The following SULF2 variants were observed in gnomAD, a reference collection of about 807,000 sequenced individuals.
SULF2 encodes sulfatase 2.
A neutral mutation model predicts 107.7 loss-of-function variants in SULF2; 52 were observed. That is an observed-to-expected ratio of 0.48 (90% confidence interval 0.39 to 0.61). SULF2 has a LOEUF of 0.61. Among genes scored for constraint, SULF2 ranks in the 20% least tolerant of loss-of-function variants. SULF2 has a pLI of 0.00. For synonymous variants in SULF2, 460 were observed against 464.3 expected, an observed-to-expected ratio of 0.99 and a Z score of 0.12; for missense variants, 993 against 1,177.3, an observed-to-expected ratio of 0.84 and a Z score of 2.29.
chr20:47,736,872 G>C lies in SULF2; in HGVS notation c.246C>G (p.Phe82Leu), dbSNP rs368302336. The change falls in exon 3 of 21, where the codon TTC (phenylalanine) becomes TTG (leucine). Residue 82 changes from phenylalanine to leucine, a missense_variant. Coordinates refer to ENST00000688720, the MANE Select transcript of SULF2 (RefSeq NM_001387048.1). ...EQGGAHFINA[F>L]VTTPMCCPSR... is the part of the protein sequence containing the mutation. ...AGGGGCAGCACATGGGTGTGGTCAC[G>C]AAGGCGTTGATGAAGTGCGCCCCGC... The C allele has an allele frequency of 1.2e-6, 2 of 1,614,258 alleles. No individual in the cohort carries two copies. The highest frequency in any genetic ancestry group is 1.7e-6 in the Non-Finnish European group (2 of 1,180,034).
At chr20:47,665,149 G>T in intron 14 of SULF2, 50 bp downstream of exon 14, 1 of 1,176,338 alleles carries the variant, frequency 8.5e-7, no homozygotes, top group Non-Finnish European at 1.3e-6. Flanking sequence ...GAACTGAACT[G>T]TCCTGTAGGA....
intron 3 of SULF2, among the ~76,000 whole-genome samples, chr20:47,710,973 T>C (rs1270218384): frequency 6.6e-6 from 1 of 152,182 alleles, no homozygotes; most frequent in African/African-American, 2.4e-5. Flanking sequence ...ATAATTGCAT[T>C]TGTGGTCTGT....
At chr20:47,726,890 C>G (rs1322593000) in intron 3 of SULF2, among the ~76,000 whole-genome samples, 1 of 152,180 alleles carries the variant, frequency 6.6e-6, no homozygotes, top group East Asian at 1.9e-4. Context: ...TCAACGCCCA[C>G]TGCAGGTGGA....
chr20:47,738,401 T>C (rs560768141), intron 2 of SULF2, among the ~76,000 whole-genome samples: 94 of 152,344 alleles, frequency 6.2e-4, no homozygotes, highest in Admixed American at 1.3e-3. Flanking sequence ...AGGTGTGCAG[T>C]GGGTTGAACG....
intron 17 of SULF2, 67 bp downstream of exon 17, chr20:47,663,003 G>T (rs949742572): frequency 5.1e-6 from 8 of 1,575,848 alleles, no homozygotes; most frequent in Admixed American, 3.4e-5. Context: ...CCTGAGGTTG[G>T]GGGGGGCCTA....
intron 2 of SULF2, among the ~76,000 whole-genome samples, chr20:47,753,035 A>C (rs1420758172): frequency 1.4e-5 from 2 of 141,318 alleles, no homozygotes; most frequent in African/African-American, 2.7e-5. Flanking sequence ...CAGGAGGCAG[A>C]GGTTGCAGTG....
At chr20:47,765,090 G>A (rs1035101931) in intron 1 of SULF2, among the ~76,000 whole-genome samples, 12 of 152,128 alleles carry the variant, frequency 7.9e-5, no homozygotes, top group Admixed American at 7.2e-4. Flanking sequence ...GGCAGCTCAC[G>A]TCTGTAATCC....
intron 3 of SULF2, among the ~76,000 whole-genome samples, chr20:47,731,187 CTTT>C (rs71183273): frequency 6.5e-3 from 528 of 81,102 alleles, no homozygotes; most frequent in Non-Finnish European, 8.9e-3. Flanking sequence ...TGTATCTTCT[CTTT>C]TTTTTTTTTT....
chr20:47,665,701 T>TGAC (rs1568783003), intron 13 of SULF2, among the ~76,000 whole-genome samples, 156 bp downstream of exon 13: 2 of 152,258 alleles, frequency 1.3e-5, no homozygotes, highest in Non-Finnish European at 2.9e-5. Flanking sequence ...ATGCTGGGAC[T>TGAC]GACACCTATC....
chr20:47,741,570 T>C (rs990601944), intron 2 of SULF2, among the ~76,000 whole-genome samples: 1 of 152,246 alleles, frequency 6.6e-6, no homozygotes, highest in African/African-American at 2.4e-5. Context: ...CCTGTGACTT[T>C]TGATGGCTCC....
intron 8 of SULF2, 66 bp from the exon 9 acceptor site, chr20:47,677,200 A>G: frequency 6.4e-7 from 1 of 1,566,932 alleles, no homozygotes. Flanking sequence ...CCGTTCCCCC[A>G]GGAGCAGGGA....
intron 1 of SULF2, among the ~76,000 whole-genome samples, chr20:47,760,400 T>TGCAGCTCCTGCCTGGG (rs2090393510): frequency 6.6e-6 from 1 of 151,988 alleles, no homozygotes; most frequent in Non-Finnish European, 1.5e-5. Flanking sequence ...TGTGTGTGGA[T>TGCAGCTCCTGCCTGGG]GCAGCTCCTG....
At chr20:47,739,155 T>C (rs935420764) in intron 2 of SULF2, among the ~76,000 whole-genome samples, 1 of 152,188 alleles carries the variant, frequency 6.6e-6, no homozygotes, top group Non-Finnish European at 1.5e-5. Flanking sequence ...CCTCCAGAAC[T>C]GTTGAGAGAG....
At chr20:47,708,870 C>T (rs2088832030) in intron 3 of SULF2, among the ~76,000 whole-genome samples, 1 of 152,144 alleles carries the variant, frequency 6.6e-6, no homozygotes, top group Non-Finnish European at 1.5e-5. Flanking sequence ...AAGCTGTTTC[C>T]TCTGCTAGCA....
chr20:47,667,030 G>A (rs1163134816), intron 11 of SULF2, among the ~76,000 whole-genome samples: 3 of 152,144 alleles, frequency 2.0e-5, no homozygotes, highest in African/African-American at 4.8e-5. Flanking sequence ...TCCCTTTTGG[G>A]GTGATGAAAT....
Position 47,683,245 on chromosome 20 carries a change from C to G in SULF2, c.889-76G>C, listed in dbSNP as rs1245154440. 8 of 1,440,466 alleles carry G rather than the reference C, an allele frequency of 5.6e-6. No homozygotes were observed. In the Admixed American group the frequency reaches 1.5e-4, roughly 27 times the overall value. The allele number at this position is 1,440,466 out of a possible 1,614,324, so 89.2% of individuals were successfully genotyped here. A position where few individuals can be genotyped will look rare whatever the true frequency, so the allele number is the denominator to read the frequency against. ...CGTCTCCGACCCGGGGTGACAGGCG[C>G]TTGAGATCTCAGGCCCCGTCCCTCC... On this transcript the variant is annotated intron_variant, in intron 6 of 20. Coordinates refer to ENST00000688720, the MANE Select transcript of SULF2 (RefSeq NM_001387048.1).
intron 1 of SULF2, among the ~76,000 whole-genome samples, chr20:47,779,336 G>T (rs1057511739): frequency 3.9e-5 from 6 of 152,172 alleles, no homozygotes; most frequent in Admixed American, 3.3e-4. Flanking sequence ...CCTCGGTTGA[G>T]AATCAAAGCC....
intron 1 of SULF2, among the ~76,000 whole-genome samples, chr20:47,765,080 G>A (rs1002742878): frequency 1.3e-5 from 2 of 152,090 alleles, no homozygotes; most frequent in East Asian, 1.9e-4. Context: ...GGCTGGGCGC[G>A]GCAGCTCACG....
intron 2 of SULF2, among the ~76,000 whole-genome samples, chr20:47,737,865 C>T (rs1379703080): frequency 1.4e-5 from 2 of 139,964 alleles, no homozygotes; most frequent in South Asian, 2.2e-4. Context: ...CGGGTTCAAG[C>T]GATTCCCCTG....
Sources: allele counts gnomAD v4.1 joint callset (sites outside exome capture counted in the v4.1 genomes callset), GRCh38; gene constraint gnomAD v4.1.1; transcripts MANE v1.5; gene names NCBI Gene and HGNC (gene_info 2026-07-23, HGNC 2026-07-21).